IP6K1: variants seen among roughly 807,000 people sequenced by gnomAD.
The protein encoded by IP6K1 is ATP:1D-myo-inositol-hexakisphosphate phosphotransferase.
Under a neutral mutation model 38.3 loss-of-function variants are expected in IP6K1, and 13 were observed. The ratio of observed to expected loss-of-function variants is 0.34; its 90% CI spans 0.22 to 0.54. IP6K1 has a LOEUF of 0.54. Among genes scored for constraint, IP6K1 ranks in the 20% least tolerant of loss-of-function variants. The probability of loss-of-function intolerance (pLI) is 0.92; values close to 1 mark genes in which losing one functional copy is unlikely to be tolerated. For synonymous variants in IP6K1, 212 were observed against 229.9 expected (o/e 0.92, Z 0.70); for missense variants, 397 against 599.8 (o/e 0.66, Z 3.53).
chr3:49,741,156 T>G (rs756821742), intron 2 of IP6K1, among the ~76,000 whole-genome samples: 1 of 152,176 alleles, frequency 6.6e-6, no homozygotes, highest in South Asian at 2.1e-4. Flanking sequence ...AGTCCCTGTT[T>G]TCAATTGTTT....
At chr3:49,776,465 C>T (rs1043659212) in intron 1 of IP6K1, among the ~76,000 whole-genome samples, 3 of 151,406 alleles carry the variant, frequency 2.0e-5, no homozygotes, top group African/African-American at 4.9e-5. Context: ...TGCAGTGAGC[C>T]GAGATAGCAC....
chr3:49,732,672 A>G, intron 4 of IP6K1, 119 bp downstream of exon 4: 1 of 708,834 alleles, frequency 1.4e-6, no homozygotes, highest in Non-Finnish European at 2.3e-6. Context: ...GTCCATGAAA[A>G]AGGGAGATTA....
chr3:49,775,173 C>T (rs35210174), intron 1 of IP6K1: 41,498 of 157,146 alleles, frequency 0.26, 5,797 homozygotes, highest in Non-Finnish European at 0.31. Context: ...CGTTTGGGGG[C>T]CATTTTAAGC....
At chr3:49,785,154 A>G (rs2081100409) in intron 1 of IP6K1, among the ~76,000 whole-genome samples, 1 of 152,156 alleles carries the variant, frequency 6.6e-6, no homozygotes. Flanking sequence ...AACTTGCCCA[A>G]ATTCACAGGA....
intron 2 of IP6K1, 37 bp from the exon 3 acceptor site, chr3:49,738,459 C>A (rs770372959): frequency 2.6e-5 from 39 of 1,528,850 alleles, no homozygotes; most frequent in Admixed American, 5.0e-5. Flanking sequence ...CAAATGTCAA[C>A]ACAGGCCGAG....
At chr3:49,749,991 T>C (rs1357787451) in intron 1 of IP6K1, among the ~76,000 whole-genome samples, 1 of 152,192 alleles carries the variant, frequency 6.6e-6, no homozygotes, top group African/African-American at 2.4e-5. Context: ...CTATGACTCC[T>C]AAGGTACCCT....
chr3:49,749,685 G>A (rs2080754767), intron 1 of IP6K1, among the ~76,000 whole-genome samples: 1 of 152,000 alleles, frequency 6.6e-6, no homozygotes, highest in South Asian at 2.1e-4. Flanking sequence ...AAGACAAAAA[G>A]AAAGAAAAAA....
intron 1 of IP6K1, among the ~76,000 whole-genome samples, chr3:49,758,950 A>T (rs2080846855): frequency 9.3e-6 from 1 of 107,526 alleles, no homozygotes; most frequent in African/African-American, 3.0e-5. Context: ...CTGTCTCAAA[A>T]AAAAAAAATA....
intron 1 of IP6K1, among the ~76,000 whole-genome samples, chr3:49,777,777 T>C (rs1259934859): frequency 2.0e-5 from 3 of 149,442 alleles, no homozygotes; most frequent in African/African-American, 4.9e-5. Flanking sequence ...TAGCCGGGCG[T>C]GGTGGCAGGC....
intron 2 of IP6K1, among the ~76,000 whole-genome samples, chr3:49,745,644 CAGG>C (rs746223200): frequency 3.9e-5 from 6 of 152,158 alleles, no homozygotes; most frequent in Non-Finnish European, 8.8e-5. Flanking sequence ...CACCTAAAGT[CAGG>C]AGTTCGAAAG....
At chr3:49,780,052 A>G (rs900235125) in intron 1 of IP6K1, among the ~76,000 whole-genome samples, 1 of 152,086 alleles carries the variant, frequency 6.6e-6, no homozygotes, top group Non-Finnish European at 1.5e-5. Flanking sequence ...TTAGACTTGA[A>G]AAGAGTCCAG....
chr3:49,747,821 T>C lies in IP6K1; in HGVS notation c.220A>G (p.Lys74Glu). ...ATTAAACTGGCCAGTGACTGACCTT[T>C]GTATTCAGGGGTGAACTCCTTCATT... ...PEMKEFTPEYKGVVSVCFEGD... is the reference protein window; with the variant it reads ...PEMKEFTPEYEGVVSVCFEGD... Residue 74 changes from lysine (K) to glutamate (E), a missense_variant, in exon 2 of 6, where the codon AAA becomes GAA. By Grantham distance (56) the Lys-to-Glu change is moderately conservative. Around this residue, in one of 3 missense-constraint regions of IP6K1, gnomAD observed 171 missense variants for 237.0 expected, o/e 0.72. Coordinates refer to ENST00000321599, the MANE Select transcript of IP6K1 (RefSeq NM_153273.4). 6.2e-7 allele frequency: 1 copy of C among 1,614,128 alleles called. No individual in the cohort carries two copies. The highest frequency in any genetic ancestry group is 8.5e-7 in the Non-Finnish European group (1 of 1,179,992).
At chr3:49,751,986 CA>C (rs2080780927) in intron 1 of IP6K1, among the ~76,000 whole-genome samples, 1 of 152,100 alleles carries the variant, frequency 6.6e-6, no homozygotes, top group Admixed American at 6.6e-5. Flanking sequence ...AGAAGTTTCT[CA>C]TGTTAATGAA....
At position 49,727,697 on chromosome 3, in the gene IP6K1, CT is replaced by C. The variant is rs753169737; in HGVS notation, c.793-43del. On this transcript the variant is annotated intron_variant, in intron 5 of 5. Coordinates refer to ENST00000321599, the MANE Select transcript of IP6K1 (RefSeq NM_153273.4). The surrounding 1 kb of genome is among the most constrained non-coding windows in gnomAD (Gnocchi z 5.9). ...CAGACAGGGTGAGTGCCAGGGAAGT[CT>C]GAAGAGCTCACAGTGCCCTGGGCAA... 35 of 1,585,780 alleles carry C rather than the reference CT, an allele frequency of 2.2e-5. No individual in the cohort carries two copies. In the South Asian group the frequency reaches 3.9e-4, roughly 18 times the overall value.
intron 4 of IP6K1, among the ~76,000 whole-genome samples, chr3:49,730,782 T>C (rs928662725): frequency 2.6e-5 from 4 of 152,080 alleles, no homozygotes; most frequent in African/African-American, 9.7e-5. Context: ...AATGGCGCAA[T>C]CTTGGCTCAT....
chr3:49,765,245 A>G (rs2080901335), intron 1 of IP6K1, among the ~76,000 whole-genome samples: 1 of 152,170 alleles, frequency 6.6e-6, no homozygotes, highest in Non-Finnish European at 1.5e-5. Context: ...AAGAAATGCT[A>G]AAGGGAGTCC....
intron 2 of IP6K1, among the ~76,000 whole-genome samples, chr3:49,744,455 T>C (rs1423217354): frequency 6.7e-6 from 1 of 150,304 alleles, no homozygotes; most frequent in Non-Finnish European, 1.5e-5. Context: ...AAGGAAGAGT[T>C]GTCCCTTCAT....
At chr3:49,764,019 C>T (rs139749465) in intron 1 of IP6K1, among the ~76,000 whole-genome samples, 5 of 151,960 alleles carry the variant, frequency 3.3e-5, no homozygotes, top group Admixed American at 6.6e-5. Flanking sequence ...AAGACTGTTT[C>T]CAAAAAAACC....
At chr3:49,755,027 T>A (rs1277773118) in intron 1 of IP6K1, among the ~76,000 whole-genome samples, 1 of 150,206 alleles carries the variant, frequency 6.7e-6, no homozygotes, top group African/African-American at 2.5e-5. Flanking sequence ...CCTCCTGGGC[T>A]CAAGTGATCC....
Sources: gnomAD v4.1 joint callset for allele counts (sites outside exome capture counted in the v4.1 genomes callset) on GRCh38, gnomAD v4.1.1 for gene constraint, gnomAD v4.1.1 regional missense constraint, Gnocchi (gnomAD v3.1) non-coding constraint, MANE v1.5 for transcripts, NCBI Gene and HGNC (gene_info 2026-07-23, HGNC 2026-07-21) for gene names.